The following NCK2 variants were observed in gnomAD, a reference collection of about 807,000 sequenced individuals.
The protein encoded by NCK2 is cytoplasmic protein NCK2.
In NCK2, 16 loss-of-function variants were observed where a neutral mutation model predicts 33.9. That is an observed-to-expected ratio of 0.47 (90% confidence interval 0.32 to 0.72). The LOEUF is 0.72. Among genes scored for constraint, NCK2 ranks in the 30% least tolerant of loss-of-function variants. The pLI, the probability that NCK2 is intolerant of heterozygous loss-of-function variation, is 0.03. For synonymous variants in NCK2, 273 were observed against 239.9 expected, an observed-to-expected ratio of 1.14 and a Z score of -1.27; for missense variants, 418 against 537.3, an observed-to-expected ratio of 0.78 and a Z score of 2.19.
At chr2:105,891,400 C>T (rs546517453) in intron 4 of NCK2, among the ~76,000 whole-genome samples, 2 of 152,224 alleles carry the variant, frequency 1.3e-5, no homozygotes, top group South Asian at 2.1e-4. Context: ...GCACCGCCTG[C>T]CTGGCATGTG....
chr2:105,888,240 G>A (rs769480243), intron 4 of NCK2, among the ~76,000 whole-genome samples: 1 of 152,142 alleles, frequency 6.6e-6, no homozygotes, highest in African/African-American at 2.4e-5. Context: ...TCATTCTCCA[G>A]AACCATTGAT....
At chr2:105,755,706 A>C (rs78978175) in intron 1 of NCK2, among the ~76,000 whole-genome samples, 295 of 151,506 alleles carry the variant, frequency 1.9e-3, no homozygotes, top group East Asian at 5.2e-3. Flanking sequence ...ACCCGAACCC[A>C]TGCCTATAAA....
chr2:105,810,447 G>T (rs993727000), intron 1 of NCK2, among the ~76,000 whole-genome samples: 1 of 152,072 alleles, frequency 6.6e-6, no homozygotes, highest in Non-Finnish European at 1.5e-5. Context: ...TCAGAAAAAG[G>T]GGGGTTTGCA....
At chr2:105,756,319 G>A (rs1243580365) in intron 1 of NCK2, among the ~76,000 whole-genome samples, 1 of 140,444 alleles carries the variant, frequency 7.1e-6, no homozygotes, top group African/African-American at 2.8e-5. Context: ...CCTTGGTGGA[G>A]ATAGTTAAAA....
chr2:105,759,006 A>T (rs1321301626), intron 1 of NCK2, among the ~76,000 whole-genome samples: 4 of 152,224 alleles, frequency 2.6e-5, no homozygotes, highest in Admixed American at 2.6e-4. Context: ...TTAAAGTAAA[A>T]TGGTTTTGGT....
chr2:105,874,017 G>A (rs1678136738), intron 3 of NCK2, among the ~76,000 whole-genome samples: 1 of 152,208 alleles, frequency 6.6e-6, no homozygotes, highest in South Asian at 2.1e-4. Context: ...GGGGTGAGAT[G>A]GGGCCCTTCA....
Position 105,881,727 on chromosome 2 carries a change from T to TCAC in NCK2, c.628_630dup (p.Thr210dup). The TCAC allele has an allele frequency of 6.2e-7, 1 of 1,614,196 alleles. No individual in the cohort carries two copies. Among genetic ancestry groups the TCAC allele is most frequent in the Non-Finnish European group, 8.5e-7 (1 of 1,180,026 alleles). On this transcript the variant is annotated inframe_insertion, in exon 4 of 5. Transcript: ENST00000233154. ...CAGACGCTGTACCCCTTCAGCTCAG[T>TCAC]CACCGAGGAGGAGCTCAACTTCGAG...
intron 3 of NCK2, among the ~76,000 whole-genome samples, chr2:105,859,263 C>T (rs889021218): frequency 1.3e-5 from 2 of 152,164 alleles, no homozygotes; most frequent in Admixed American, 6.5e-5. Context: ...ATTCTCTTTT[C>T]GGTGGTTAAC....
chr2:105,779,229 A>C (rs1484642285), intron 1 of NCK2, among the ~76,000 whole-genome samples: 1 of 149,030 alleles, frequency 6.7e-6, no homozygotes, highest in East Asian at 2.0e-4. Flanking sequence ...ATCGCTAGAA[A>C]CTGGGAGACA....
At position 105,806,614 on chromosome 2, in the gene NCK2, T is replaced by A. The variant is rs187812947; in HGVS notation, c.-200-9816T>A. On this transcript the variant is annotated intron_variant, in intron 1 of 4. Transcript: ENST00000233154. The stretch of plus-strand genomic sequence containing the variant: ...TATTAGCCACTTTTAAATGGAAAAT[T>A]TTAAATTTCCTTTTTATTCCACATT... Among the ~76,000 whole-genome samples, 7 of 152,324 alleles carry A rather than the reference T, an allele frequency of 4.6e-5. No individual in the cohort carries two copies. In the East Asian group the frequency reaches 1.3e-3, roughly 29 times the overall value.
At chr2:105,863,505 C>T (rs189847904) in intron 3 of NCK2, among the ~76,000 whole-genome samples, 21 of 152,222 alleles carry the variant, frequency 1.4e-4, no homozygotes, top group Admixed American at 1.2e-3. Context: ...GGGTGTGTTC[C>T]GATCAGAAGG....
chr2:105,864,526 A>C (rs886918071), intron 3 of NCK2, among the ~76,000 whole-genome samples: 3 of 152,098 alleles, frequency 2.0e-5, no homozygotes, highest in African/African-American at 7.2e-5. Context: ...GTGGGACGTC[A>C]GTAGGATGCA....
chr2:105,879,257 G>A (rs1246850276), intron 3 of NCK2, among the ~76,000 whole-genome samples: 1 of 152,210 alleles, frequency 6.6e-6, no homozygotes, highest in African/African-American at 2.4e-5. Context: ...TGGCCTCAGC[G>A]TAGCCCTCAC....
At chr2:105,821,665 G>T (rs980419096) in intron 2 of NCK2, among the ~76,000 whole-genome samples, 3 of 152,096 alleles carry the variant, frequency 2.0e-5, no homozygotes, top group Non-Finnish European at 4.4e-5. Context: ...TGGGGTCATC[G>T]TTGGCAGGTG....
chr2:105,892,778 G>A (rs1288164544), intron 4 of NCK2, among the ~76,000 whole-genome samples: 4 of 151,978 alleles, frequency 2.6e-5, no homozygotes, highest in Admixed American at 1.3e-4. Context: ...CCCGTGAGGC[G>A]GAGGTTGCAG....
intron 2 of NCK2, among the ~76,000 whole-genome samples, chr2:105,849,377 T>C (rs1426318578): frequency 1.3e-5 from 2 of 152,000 alleles, no homozygotes; most frequent in Non-Finnish European, 2.9e-5. Context: ...TGCCTTTCTG[T>C]GATGCCATCA....
intron 1 of NCK2, among the ~76,000 whole-genome samples, chr2:105,779,889 C>T (rs1690430793): frequency 6.6e-6 from 1 of 152,118 alleles, no homozygotes; most frequent in East Asian, 1.9e-4. Context: ...AGCCTGAATG[C>T]CATAGCCTAC....
At chr2:105,874,328 T>C (rs1408702392) in intron 3 of NCK2, among the ~76,000 whole-genome samples, 1 of 152,246 alleles carries the variant, frequency 6.6e-6, no homozygotes. Context: ...TTCTGACTCT[T>C]ATATGGAAAT....
intron 3 of NCK2, among the ~76,000 whole-genome samples, chr2:105,873,747 G>C (rs1198874262): frequency 6.6e-6 from 1 of 152,230 alleles, no homozygotes; most frequent in Non-Finnish European, 1.5e-5. Context: ...AGTTGGCTCA[G>C]ATGATTGGGA....
Sources: gnomAD v4.1 joint callset for allele counts (sites outside exome capture counted in the v4.1 genomes callset) on GRCh38, gnomAD v4.1.1 for gene constraint, MANE v1.5 for transcripts, NCBI Gene and HGNC (gene_info 2026-07-23, HGNC 2026-07-21) for gene names.